TRIP11: variants seen among roughly 807,000 people sequenced by gnomAD.
TRIP11 encodes the protein thyroid hormone receptor interactor 11.
TRIP11 carries 148 observed loss-of-function variants against 223.1 expected under a neutral mutation model. That is an observed-to-expected ratio of 0.66 (90% CI 0.58 to 0.76). TRIP11 has a LOEUF of 0.76. Among genes scored for constraint, TRIP11 ranks in the 30% least tolerant of loss-of-function variants. The probability of loss-of-function intolerance (pLI) is 0.00; values close to 1 mark genes in which losing one functional copy is unlikely to be tolerated. For synonymous variants in TRIP11, 762 were observed against 772.6 expected, an observed-to-expected ratio of 0.99 and a Z score of 0.23; for missense variants, 2,043 against 2,222.0, an observed-to-expected ratio of 0.92 and a Z score of 1.62.
chr14:91,994,435 G>A (rs1451387091), intron 14 of TRIP11, among the ~76,000 whole-genome samples: 1 of 151,800 alleles, frequency 6.6e-6, no homozygotes, highest in African/African-American at 2.4e-5. Context: ...GTAGAGATGG[G>A]GTTTCACCAC....
In TRIP11 at chr14:91,974,485, C is replaced by T. The variant is rs2056438462; in HGVS notation, c.5574+142G>A. ...GCTTGTTATCCTTAAGCTTAATCAC[C>T]TCTCTGGAACTCAGTTTCTGCAACT... is the stretch of plus-strand genomic sequence containing the variant. On this transcript the variant is annotated intron_variant, in intron 19 of 20. Coordinates refer to ENST00000267622, the MANE Select transcript of TRIP11 (RefSeq NM_004239.4). 7.4e-6 allele frequency: 5 copies of T among 678,280 alleles called. No individual in the cohort carries two copies. In the Admixed American group the frequency reaches 7.4e-5, roughly 10 times the overall value. The allele number at this position is 678,280 out of a possible 1,614,324, so 42.0% of individuals were successfully genotyped here.
Position 91,999,281 on chromosome 14 carries a change from C to G in TRIP11, c.4851G>C (p.Glu1617Asp), listed in dbSNP as rs142530328. Residue 1617 changes from glutamate to aspartate, a missense_variant, in exon 13 of 21, where the codon GAG becomes GAC. Glu to Asp is a conservative substitution (Grantham distance 45, BLOSUM62 2). Coordinates refer to ENST00000267622, the MANE Select transcript of TRIP11 (RefSeq NM_004239.4). ...AKLRKKVTVL[E>D]EKLVSSSNAM... ...CATTAGAGGATGAAACTAGCTTTTC[C>G]TCCAATACTGTGACTTTCTTTCTTA... The G allele has an allele frequency of 5.8e-5, 93 of 1,613,780 alleles. No individual in the cohort carries two copies. Among genetic ancestry groups the G allele is most frequent in the Non-Finnish European group, 6.9e-5 (82 of 1,179,870 alleles).
At chr14:91,993,304 C>A (rs1281132654) in intron 15 of TRIP11, among the ~76,000 whole-genome samples, 1 of 151,456 alleles carries the variant, frequency 6.6e-6, no homozygotes, top group Non-Finnish European at 1.5e-5. Flanking sequence ...TGGTGAAACC[C>A]CATCTCTATT....
At position 91,975,263 on chromosome 14, in the gene TRIP11, A is replaced by C; in HGVS notation, c.5366T>G (p.Ile1789Ser). The change falls in exon 18 of 21, where the codon ATT becomes AGT. Residue 1789 changes from isoleucine (I) to serine (S), a missense_variant. Ile to Ser is a moderately radical substitution (Grantham distance 142). Coordinates refer to ENST00000267622, the MANE Select transcript of TRIP11 (RefSeq NM_004239.4). Reference sequence around the variant, plus strand: ...ATTTTTCGGTGTGTGGAAATGACCAATGAAGAGGTTTCTCATTAGGACTCT... The same window carrying C: ...ATTTTTCGGTGTGTGGAAATGACCACTGAAGAGGTTTCTCATTAGGACTCT... The part of the protein sequence containing the change: ...VDKVLMRNLF[I>S]GHFHTPKNQR... 1 of 1,613,412 alleles carries C rather than the reference A, an allele frequency of 6.2e-7. No homozygotes were observed. Among genetic ancestry groups the C allele is most frequent in the Non-Finnish European group, 8.5e-7 (1 of 1,179,494 alleles).
chr14:91,978,646 T>C lies in TRIP11; in HGVS notation c.5261-2457A>G, dbSNP rs2056497606. Among the ~76,000 whole-genome samples the C allele has an allele frequency of 6.6e-6, 1 of 152,076 alleles. No individual in the cohort carries two copies. The highest frequency in any genetic ancestry group is 2.4e-5 in the African/African-American group (1 of 41,384). ...CAGGAAATAGTTGAGATTACCAGTG[T>C]GCACCACCACAACCAGCTAATTTCT... On this transcript the variant is annotated intron_variant, in intron 16 of 20. Transcript: ENST00000267622. The surrounding 1 kb of genome is among the most constrained non-coding windows in gnomAD (Gnocchi z 4.4).
At chr14:91,987,234 T>C (rs1455154998) in intron 16 of TRIP11, among the ~76,000 whole-genome samples, 1 of 152,198 alleles carries the variant, frequency 6.6e-6, no homozygotes, top group Non-Finnish European at 1.5e-5. Context: ...AGAAGACTTT[T>C]GGTTTGGCAG....
intron 2 of TRIP11, among the ~76,000 whole-genome samples, chr14:92,025,878 C>CA (rs372915026): frequency 0.21 from 15,570 of 73,598 alleles, 1,039 homozygotes; most frequent in African/African-American, 0.27. Context: ...GACTCCGTCT[C>CA]AAAAAAAAAA....
chr14:91,993,476 CAAA>C (rs59244424), intron 15 of TRIP11, among the ~76,000 whole-genome samples: 6 of 51,748 alleles, frequency 1.2e-4, no homozygotes, highest in Admixed American at 2.0e-4. Context: ...AACTCGGTCT[CAAA>C]AAAAAAAAAA....
intron 2 of TRIP11, among the ~76,000 whole-genome samples, chr14:92,031,448 A>G (rs1420121937): frequency 2.0e-5 from 3 of 152,152 alleles, no homozygotes; most frequent in African/African-American, 4.8e-5. Flanking sequence ...GCGGTGTTGC[A>G]TGCCTGTGGT....
chr14:92,017,321 G>T (rs1318583260), intron 5 of TRIP11, among the ~76,000 whole-genome samples: 2 of 152,116 alleles, frequency 1.3e-5, no homozygotes, highest in Non-Finnish European at 2.9e-5. Flanking sequence ...GCAGGAGGAT[G>T]GCTTGAGGCT....
Position 92,004,483 on chromosome 14 carries a change from T to C in TRIP11, c.3493A>G (p.Ile1165Val), listed in dbSNP as rs770621761. 1.2e-6 allele frequency: 2 copies of C among 1,613,512 alleles called. No homozygotes were observed. The highest frequency in any genetic ancestry group is 1.1e-5 in the South Asian group (1 of 91,078). ...FRETIQNLSR[I>V]IREKDIEIDA... ...ATTTCGATGTCTTTTTCTCGAATGATACGTGATAAATTCTGAATAGTTTCT... is the reference window on the plus strand; with the variant it reads ...ATTTCGATGTCTTTTTCTCGAATGACACGTGATAAATTCTGAATAGTTTCT... Residue 1165 changes from isoleucine to valine, a missense_variant, in exon 11 of 21, where the codon ATC becomes GTC. By Grantham distance (29) the Ile-to-Val change is conservative (BLOSUM62 3). Coordinates refer to ENST00000267622, the MANE Select transcript of TRIP11 (RefSeq NM_004239.4).
rs754053786 is a variant in TRIP11, at chr14:91,969,717, C to T, written c.5896G>A (p.Asp1966Asn). 2.5e-6 allele frequency: 4 copies of T among 1,613,078 alleles called. No homozygotes were observed. Among genetic ancestry groups the T allele is most frequent in the Non-Finnish European group, 3.4e-6 (4 of 1,180,026 alleles). The change falls in exon 21 of 21, where the codon GAC becomes AAC. Residue 1966 changes from aspartate (D) to asparagine (N), a missense_variant. By Grantham distance (23) the Asp-to-Asn change is conservative. Transcript: ENST00000267622. ...PTFTPLPALP[D>N]NSAGVVLKDL... ...TTCAGCACAACCCCAGCACTGTTGTCAGGTAACGCTGGCAAAGGTGTAAAT... is the reference window on the plus strand; with the variant it reads ...TTCAGCACAACCCCAGCACTGTTGTTAGGTAACGCTGGCAAAGGTGTAAAT...
At chr14:92,001,650 A>G (rs1384317610) in intron 11 of TRIP11, among the ~76,000 whole-genome samples, 1 of 152,230 alleles carries the variant, frequency 6.6e-6, no homozygotes, top group Non-Finnish European at 1.5e-5. Context: ...ATATCTGCAC[A>G]CTTTAGATCT....
intron 2 of TRIP11, among the ~76,000 whole-genome samples, chr14:92,031,783 A>T (rs2057268701): frequency 6.6e-6 from 1 of 152,160 alleles, no homozygotes; most frequent in Non-Finnish European, 1.5e-5. Context: ...TTAAATAAAA[A>T]TTTGGATTTG....
intron 20 of TRIP11, among the ~76,000 whole-genome samples, chr14:91,971,522 GGAA>G (rs2056400263): frequency 6.6e-6 from 1 of 151,326 alleles, no homozygotes; most frequent in African/African-American, 2.4e-5. Flanking sequence ...GTAGGAAAGA[GGAA>G]GAAAAGTGAG....
In TRIP11 at chr14:92,004,374, C is replaced by A. The variant is rs928553952; in HGVS notation, c.3602G>T (p.Ser1201Ile). The A allele has an allele frequency of 1.2e-6, 2 of 1,614,080 alleles. No homozygotes were observed. Reference sequence around the variant, plus strand: ...CTGTAGAAGCTCCTCAAATTGATTACTATTAACACCTCCAGCCTCATTACC... The same window carrying A: ...CTGTAGAAGCTCCTCAAATTGATTAATATTAACACCTCCAGCCTCATTACC... ...STGNEAGGVN[S>I]NQFEELLQER... is the part of the protein sequence containing the mutation. Residue 1201 changes from serine (S) to isoleucine (I), a missense_variant, in exon 11 of 21, where the codon AGT (serine) becomes ATT (isoleucine). Ser to Ile is a moderately radical substitution (Grantham distance 142, BLOSUM62 -2). Transcript: ENST00000267622.
At chr14:91,979,084 C>G (rs912092330) in intron 16 of TRIP11, among the ~76,000 whole-genome samples, 8 of 148,116 alleles carry the variant, frequency 5.4e-5, no homozygotes, top group South Asian at 2.1e-4. Context: ...TAGCAGAACC[C>G]TGTCTCTACA....
chr14:92,000,267 A>T (rs1437252035), intron 11 of TRIP11, among the ~76,000 whole-genome samples, 159 bp from the exon 12 acceptor site: 1 of 152,206 alleles, frequency 6.6e-6, no homozygotes, highest in Non-Finnish European at 1.5e-5. Flanking sequence ...TAGTTAATTT[A>T]AAAACGTAGT....
chr14:92,022,137 G>A (rs889733953), intron 3 of TRIP11, among the ~76,000 whole-genome samples: 7 of 152,294 alleles, frequency 4.6e-5, no homozygotes, highest in Non-Finnish European at 1.0e-4. Context: ...GAGTAGTATA[G>A]GCAATTTCTT....
Sources: gnomAD v4.1 joint callset for allele counts (sites outside exome capture counted in the v4.1 genomes callset) on GRCh38, gnomAD v4.1.1 for gene constraint, Gnocchi (gnomAD v3.1) non-coding constraint, MANE v1.5 for transcripts, NCBI Gene and HGNC (gene_info 2026-07-23, HGNC 2026-07-21) for gene names.